ZNF8: variants seen among roughly 807,000 people sequenced by gnomAD.
The protein encoded by ZNF8 is zinc finger protein 272.
Under a neutral mutation model 12.2 loss-of-function variants are expected in ZNF8, and 9 were observed. The ratio of observed to expected loss-of-function variants is 0.73; its 90% confidence interval spans 0.44 to 1.28. The LOEUF (loss-of-function observed/expected upper bound fraction) is 1.28. Among genes scored for constraint, ZNF8 ranks in the 50% most tolerant of loss-of-function variants. ZNF8 has a pLI of 0.00. For synonymous variants in ZNF8, 274 were observed against 282.3 expected (o/e 0.97, Z 0.30); for missense variants, 664 against 729.1 (o/e 0.91, Z 1.03).
At chr19:58,282,405 C>G (rs1008111102) in intron 1 of ZNF8, among the ~76,000 whole-genome samples, 3 of 152,008 alleles carry the variant, frequency 2.0e-5, no homozygotes, top group African/African-American at 7.3e-5. Context: ...ATATGTGATT[C>G]CCAATTATTA....
intron 1 of ZNF8, among the ~76,000 whole-genome samples, chr19:58,281,730 A>G (rs1035115025): frequency 6.6e-6 from 1 of 152,142 alleles, no homozygotes; most frequent in African/African-American, 2.4e-5. Flanking sequence ...TATGTTTCCT[A>G]TTAGAGCCAC....
In ZNF8 at chr19:58,295,312, C is replaced by G. The variant is rs199650297; in HGVS notation, c.1504C>G (p.Arg502Gly). 2.0e-5 allele frequency: 32 copies of G among 1,614,084 alleles called. No individual in the cohort carries two copies. In the African/African-American group the frequency reaches 3.7e-4, roughly 19 times the overall value. Reference sequence around the variant, plus strand: ...GCAGCCCCATGGGCGAAGCCGGCGGCGTGAACAATCCTCGAGCAGGAACTC... The same window carrying G: ...GCAGCCCCATGGGCGAAGCCGGCGGGGTGAACAATCCTCGAGCAGGAACTC... ...EEQPHGRSRR[R>G]EQSSSRNSHL... The change falls in exon 4 of 4, where the codon CGT becomes GGT. Residue 502 changes from arginine to glycine, a missense_variant. Arg to Gly is a moderately radical substitution (Grantham distance 125). Around this residue, in one of 3 missense-constraint regions of ZNF8, gnomAD observed 225 missense variants for 222.0 expected, o/e 1.01. Coordinates refer to ENST00000621650, the MANE Select transcript of ZNF8 (RefSeq NM_021089.3).
At chr19:58,285,155 T>TCG (rs2051375007) in intron 1 of ZNF8, among the ~76,000 whole-genome samples, 1 of 103,290 alleles carries the variant, frequency 9.7e-6, no homozygotes, top group South Asian at 2.7e-4. Context: ...ACCTGTTTTT[T>TCG]TGTTTTTTTT....
At position 58,294,452 on chromosome 19, in the gene ZNF8, G is replaced by C. The variant is rs139667686; in HGVS notation, c.644G>C (p.Ser215Thr). ...SQITDSEHNS[S>T]LVSQQTGSPG... ...ATTACAGACTCAGAACATAACTCCA[G>C]CTTAGTCAGTCAGCAGACAGGCTCC... Residue 215 changes from serine to threonine, a missense_variant, in exon 4 of 4, where the codon AGC becomes ACC. By Grantham distance (58) the Ser-to-Thr change is moderately conservative. Transcript: ENST00000621650. The surrounding 1 kb of genome is among the most constrained non-coding windows in gnomAD (Gnocchi z 5.5). The C allele has an allele frequency of 8.7e-6, 14 of 1,614,008 alleles. No homozygotes were observed. The highest frequency in any genetic ancestry group is 1.2e-5 in the Non-Finnish European group (14 of 1,180,044).
At chr19:58,284,433 G>A (rs1231850845) in intron 1 of ZNF8, among the ~76,000 whole-genome samples, 4 of 152,358 alleles carry the variant, frequency 2.6e-5, no homozygotes, top group Non-Finnish European at 5.9e-5. Flanking sequence ...GCTTCTTGGG[G>A]ACGAAGTGAC....
chr19:58,289,475 G>T lies in ZNF8; in HGVS notation c.289+3270G>T, dbSNP rs58579336. Among the ~76,000 whole-genome samples the T allele has an allele frequency of 7.9e-4, 116 of 147,278 alleles. 4 individuals carry two copies. The South Asian group carries it at 0.025, about 31-fold the overall frequency. On this transcript the variant is annotated intron_variant, in intron 3 of 3. Transcript: ENST00000621650. ...CATGCCACTGCACTCCAGCCTGGGC[G>T]ACAGAGCAAAACTCTGTCTCAAAGA...
At chr19:58,286,241 C>T (rs2147955945) in intron 3 of ZNF8, 36 bp downstream of exon 3, 1 of 1,584,076 alleles carries the variant, frequency 6.3e-7, no homozygotes, top group Non-Finnish European at 8.7e-7. Flanking sequence ...CTAATGGGAG[C>T]AGCCTAGCAG....
chr19:58,290,760 A>C (rs1456286529), intron 3 of ZNF8, among the ~76,000 whole-genome samples: 1 of 152,082 alleles, frequency 6.6e-6, no homozygotes, highest in Non-Finnish European at 1.5e-5. Flanking sequence ...TAAAAAATAA[A>C]GGAAAAGAGG....
rs2051450271 is a variant in ZNF8 at position 58,295,660 on chromosome 19, A to G, written c.*124A>G. ...GGGTGACTTCTGACTTTCTAAGGAA[A>G]TGATGCTTCCCAAGCACCCGAGGTT... On this transcript the variant is annotated 3_prime_UTR_variant, in exon 4 of 4. Coordinates refer to ENST00000621650, the MANE Select transcript of ZNF8 (RefSeq NM_021089.3). 2 of 878,750 alleles carry G rather than the reference A, an allele frequency of 2.3e-6. No individual in the cohort carries two copies. The highest frequency in any genetic ancestry group is 3.5e-6 in the Non-Finnish European group (2 of 577,818). 54.4% of individuals were successfully genotyped at this position (878,750 alleles called of 1,614,324 possible). A position where few individuals can be genotyped will look rare whatever the true frequency, so the allele number is the denominator to read the frequency against.
intron 3 of ZNF8, among the ~76,000 whole-genome samples, chr19:58,292,106 T>C (rs1226186020): frequency 6.6e-6 from 1 of 152,122 alleles, no homozygotes. Context: ...CAAGATAAAA[T>C]TGACATACCA....
At chr19:58,290,586 C>T (rs1393485809) in intron 3 of ZNF8, among the ~76,000 whole-genome samples, 4 of 151,658 alleles carry the variant, frequency 2.6e-5, no homozygotes, top group East Asian at 1.9e-4. Flanking sequence ...AGAAGAAGAC[C>T]GCGTCTCTAC....
chr19:58,283,378 C>T (rs1239676016), intron 1 of ZNF8, among the ~76,000 whole-genome samples: 1 of 151,952 alleles, frequency 6.6e-6, no homozygotes, highest in Non-Finnish European at 1.5e-5. Context: ...TTGAAGGTGG[C>T]GACTTTTGGG....
intron 3 of ZNF8, among the ~76,000 whole-genome samples, chr19:58,293,759 C>A (rs959792506): frequency 6.6e-6 from 1 of 152,176 alleles, no homozygotes; most frequent in African/African-American, 2.4e-5. Context: ...CAGAACCTCC[C>A]GAAGAGAAAC....
In ZNF8 at chr19:58,299,404, G is replaced by T. The variant is rs143314212; in HGVS notation, c.*3868G>T. Reference sequence around the variant, plus strand: ...TGGGGTTACAGGAGTGAGCCACCGCGCCTGGCCCCAAAACAGCAATTTGAA... The same window carrying T: ...TGGGGTTACAGGAGTGAGCCACCGCTCCTGGCCCCAAAACAGCAATTTGAA... On this transcript the variant is annotated 3_prime_UTR_variant, in exon 4 of 4. Coordinates refer to ENST00000621650, the MANE Select transcript of ZNF8 (RefSeq NM_021089.3). 5 of 148,680 alleles carry T rather than the reference G, an allele frequency of 3.4e-5. No homozygotes were observed. Among genetic ancestry groups the T allele is most frequent in the Admixed American group, 6.7e-5 (1 of 14,882 alleles). 9.2% of individuals were successfully genotyped at this position (148,680 alleles called of 1,614,324 possible). A position where few individuals can be genotyped will look rare whatever the true frequency, so the allele number is the denominator to read the frequency against.
chr19:58,287,836 T>C (rs2051393296), intron 3 of ZNF8, among the ~76,000 whole-genome samples: 1 of 145,800 alleles, frequency 6.9e-6, no homozygotes, highest in Non-Finnish European at 1.5e-5. Context: ...ATTATTTTAC[T>C]TTTTTTCTTT....
In ZNF8 at chr19:58,298,998, A is replaced by T. The variant is rs2051474153; in HGVS notation, c.*3462A>T. 6.6e-6 allele frequency: 1 copy of T among 151,072 alleles called. No homozygotes were observed. The highest frequency in any genetic ancestry group is 2.1e-4 in the South Asian group (1 of 4,772). 9.4% of individuals were successfully genotyped at this position (151,072 alleles called of 1,614,324 possible). The stretch of plus-strand genomic sequence containing the variant: ...GCAGATTTCTTAATTGTTTGTAGAG[A>T]TGGGGTTTTACTACATTGCCTAGGC... On this transcript the variant is annotated 3_prime_UTR_variant, in exon 4 of 4. Coordinates refer to ENST00000621650, the MANE Select transcript of ZNF8 (RefSeq NM_021089.3).
rs536932399 is a variant in ZNF8 at position 58,279,616 on chromosome 19, C to T, written c.66+469C>T. ...GGACCCCAGCACCGCGGAGCCCCTG[C>T]CCTGGGGCTTGGGCACAACCTCTTG... On this transcript the variant is annotated intron_variant, in intron 1 of 3. Coordinates refer to ENST00000621650, the MANE Select transcript of ZNF8 (RefSeq NM_021089.3). 5 of 1,534,132 alleles carry T rather than the reference C, an allele frequency of 3.3e-6. No homozygotes were observed. In the East Asian group the frequency reaches 9.8e-5, roughly 30 times the overall value.
chr19:58,280,101 G>T, intron 1 of ZNF8: 1 of 327,600 alleles, frequency 3.1e-6, no homozygotes, highest in South Asian at 2.4e-5. Context: ...GTTACCTGTT[G>T]CTGTGTAACT....
Position 58,278,965 on chromosome 19 carries a change from C to T in ZNF8, c.-117C>T, listed in dbSNP as rs2051319366. 7.3e-6 allele frequency: 9 copies of T among 1,239,350 alleles called. No homozygotes were observed. Among genetic ancestry groups the T allele is most frequent in the Admixed American group, 3.5e-5 (1 of 28,724 alleles). 76.8% of individuals were successfully genotyped at this position (1,239,350 alleles called of 1,614,324 possible). A position where few individuals can be genotyped will look rare whatever the true frequency, so the allele number is the denominator to read the frequency against. On this transcript the variant is annotated 5_prime_UTR_variant, in exon 1 of 4. Transcript: ENST00000621650. ...GGCCTACTGGGAGTTGTAGTCGCCG[C>T]GTCGCCGGTGCGGCCGCCATTGTCC...
Sources: allele counts gnomAD v4.1 joint callset (sites outside exome capture counted in the v4.1 genomes callset), GRCh38; gene constraint gnomAD v4.1.1; regional missense constraint gnomAD v4.1.1; non-coding constraint Gnocchi (gnomAD v3.1); transcripts MANE v1.5; gene names NCBI Gene and HGNC (gene_info 2026-07-23, HGNC 2026-07-21).